The following MICU1 variants were observed in gnomAD, a reference collection of about 807,000 sequenced individuals.
MICU1 encodes mitochondrial calcium uptake 1.
Under a neutral mutation model 56.8 loss-of-function variants are expected in MICU1, and 45 were observed. The ratio of observed to expected loss-of-function variants is 0.79; its 90% confidence interval spans 0.62 to 1.02. The LOEUF is 1.02. MICU1 is among the 50% of genes least tolerant of loss of function. The pLI is 0.00. For synonymous variants in MICU1, 186 were observed against 195.1 expected (o/e 0.95, Z 0.39); for missense variants, 504 against 587.1 (o/e 0.86, Z 1.46).
intron 8 of MICU1, among the ~76,000 whole-genome samples, chr10:72,458,167 A>C (rs1361720708): frequency 1.4e-5 from 2 of 144,812 alleles, no homozygotes; most frequent in Admixed American, 1.4e-4. Context: ...AATCCATCTC[A>C]AAAAAAAAAA....
intron 5 of MICU1, among the ~76,000 whole-genome samples, chr10:72,530,284 G>C (rs1389261323): frequency 2.0e-5 from 3 of 149,814 alleles, no homozygotes; most frequent in African/African-American, 2.4e-5. Context: ...AGTGGGCCGA[G>C]ATCACGACAT....
intron 1 of MICU1, among the ~76,000 whole-genome samples, chr10:72,592,190 A>G (rs1310512845): frequency 1.3e-5 from 2 of 151,618 alleles, no homozygotes; most frequent in African/African-American, 4.8e-5. Context: ...TTGTATTTTT[A>G]GTGCAAACGG....
At chr10:72,417,315 G>A (rs369738869) in intron 9 of MICU1, among the ~76,000 whole-genome samples, 51 of 152,126 alleles carry the variant, frequency 3.4e-4, no homozygotes, top group East Asian at 1.7e-3. Flanking sequence ...TTAGCCAGGC[G>A]TGGCAGTGGG....
In MICU1 at chr10:72,421,017, AAT is replaced by A. The variant is rs1482164184; in HGVS notation, c.1071+2215_1071+2216del. ...AACTCCGTCTCAAAAAAAAAAAAAA[AAT>A]AATAATAATAATAATAATAATAAAA... On this transcript the variant is annotated intron_variant, in intron 9 of 11. Transcript: ENST00000361114. Among the ~76,000 whole-genome samples the A allele has an allele frequency of 5.2e-3, 379 of 73,092 alleles. 4 individuals carry two copies. The highest frequency in any genetic ancestry group is 0.029 in the East Asian group (134 of 4,654). 48.0% of individuals were successfully genotyped at this position (73,092 alleles called of 152,430 possible). A position where few individuals can be genotyped will look rare whatever the true frequency, so the allele number is the denominator to read the frequency against.
intron 9 of MICU1, 109 bp from the exon 10 acceptor site, chr10:72,408,146 G>C (rs1396781444): frequency 4.6e-6 from 3 of 652,146 alleles, no homozygotes; most frequent in Middle Eastern, 2.5e-4. Flanking sequence ...CTCATGTCTA[G>C]AACAGAAACT....
Position 72,566,796 on chromosome 10 carries a change from T to G in MICU1, c.-1-2A>C. The G allele has an allele frequency of 6.2e-6, 10 of 1,606,328 alleles. No homozygotes were observed. The highest frequency in any genetic ancestry group is 8.5e-6 in the Non-Finnish European group (10 of 1,176,824). The stretch of plus-strand genomic sequence containing the variant: ...GAAAGTGAGTTCAGACGAAACATCC[T>G]GTGGACAATAAGTAGAAATGTCACT... On this transcript the variant is annotated splice_acceptor_variant, in intron 1 of 11. Coordinates refer to ENST00000361114, the MANE Select transcript of MICU1 (RefSeq NM_001195518.2). LOFTEE classifies it low-confidence loss of function (5UTR_SPLICE).
intron 8 of MICU1, among the ~76,000 whole-genome samples, chr10:72,439,578 G>C (rs1019564945): frequency 1.3e-5 from 2 of 152,144 alleles, no homozygotes; most frequent in African/African-American, 2.4e-5. Context: ...AAGAAATAAA[G>C]GGTATTCAAT....
chr10:72,443,510 C>T lies in MICU1; in HGVS notation c.934-20139G>A, dbSNP rs553874080. Among the ~76,000 whole-genome samples, 518 of 152,250 alleles carry T rather than the reference C, an allele frequency of 3.4e-3. 14 individuals carry two copies. Among genetic ancestry groups the T allele is most frequent in the Non-Finnish European group, 8.8e-4 (60 of 68,026 alleles). On this transcript the variant is annotated intron_variant, in intron 8 of 11. Coordinates refer to ENST00000361114, the MANE Select transcript of MICU1 (RefSeq NM_001195518.2). ...AGGGTTTTTATGGTTTTAGGTCTAA[C>T]GTTTAAGTCTTTAATCCATCTTGAA...
intron 1 of MICU1, among the ~76,000 whole-genome samples, chr10:72,589,116 C>A (rs546585361): frequency 1.3e-5 from 2 of 151,940 alleles, no homozygotes; most frequent in African/African-American, 4.8e-5. Context: ...GGTAAAACCC[C>A]GTCTCTACTA....
intron 9 of MICU1, among the ~76,000 whole-genome samples, chr10:72,411,532 C>T (rs879845339): frequency 4.7e-4 from 71 of 151,870 alleles, no homozygotes; most frequent in Non-Finnish European, 9.1e-4. Context: ...GGGGTTTCAC[C>T]GTGTTAGCCA....
Position 72,368,126 on chromosome 10 carries a change from C to A in MICU1, c.*69G>T. 1.3e-6 allele frequency: 2 copies of A among 1,504,796 alleles called. No homozygotes were observed. The highest frequency in any genetic ancestry group is 9.0e-7 in the Non-Finnish European group (1 of 1,106,388). 93.2% of individuals were successfully genotyped at this position (1,504,796 alleles called of 1,614,324 possible). ...CTTCCAGAAGCAGCAGCACAAAGGG[C>A]TCTGCCGAGACTCTGCGGAGGGGGT... On this transcript the variant is annotated 3_prime_UTR_variant, in exon 12 of 12. Transcript: ENST00000361114.
In MICU1 at chr10:72,458,175, A is replaced by AG. The variant is rs200435350; in HGVS notation, c.933+16924_933+16925insC. Among the ~76,000 whole-genome samples, 825 of 152,156 alleles carry AG rather than the reference A, an allele frequency of 5.4e-3. 5 individuals are homozygous for AG. Among genetic ancestry groups the AG allele is most frequent in the East Asian group, 0.027 (139 of 5,192 alleles). Reference sequence around the variant, plus strand: ...GAGTAAAAATCCATCTCAAAAAAAAAAAAGAAAGAAAAGAAAAGCATTTCT... The same window carrying AG: ...GAGTAAAAATCCATCTCAAAAAAAAAGAAAGAAAGAAAAGAAAAGCATTTCT... On this transcript the variant is annotated intron_variant, in intron 8 of 11. Transcript: ENST00000361114.
chr10:72,456,755 C>T (rs1254478132), intron 8 of MICU1, among the ~76,000 whole-genome samples: 1 of 152,026 alleles, frequency 6.6e-6, no homozygotes, highest in African/African-American at 2.4e-5. Flanking sequence ...GTGGCACAAT[C>T]CCAACTCACT....
intron 6 of MICU1, among the ~76,000 whole-genome samples, chr10:72,498,485 T>C (rs1166846234): frequency 6.6e-6 from 1 of 151,602 alleles, no homozygotes; most frequent in Non-Finnish European, 1.5e-5. Flanking sequence ...ACTTGGGAGG[T>C]TGAGGAAGGA....
chr10:72,590,607 G>A (rs529312408), intron 1 of MICU1, among the ~76,000 whole-genome samples: 5 of 151,930 alleles, frequency 3.3e-5, no homozygotes, highest in Non-Finnish European at 5.9e-5. Context: ...TCAGGAGTTC[G>A]AGACCAGCCT....
chr10:72,408,533 T>C (rs1863704395), intron 9 of MICU1, among the ~76,000 whole-genome samples: 2 of 152,184 alleles, frequency 1.3e-5, no homozygotes, highest in South Asian at 2.1e-4. Context: ...GGCCTTGAAC[T>C]CCTGACCTCA....
chr10:72,584,917 G>C (rs1180457500), intron 1 of MICU1, among the ~76,000 whole-genome samples: 2 of 152,088 alleles, frequency 1.3e-5, no homozygotes, highest in South Asian at 2.1e-4. Context: ...AATAAGGAAA[G>C]TTTAAACACT....
chr10:72,427,573 G>A (rs1864384747), intron 8 of MICU1, among the ~76,000 whole-genome samples: 1 of 151,972 alleles, frequency 6.6e-6, no homozygotes, highest in Non-Finnish European at 1.5e-5. Flanking sequence ...ATCCCCCAGA[G>A]TAAATCCTCT....
At chr10:72,557,696 A>G (rs1840191775) in intron 3 of MICU1, among the ~76,000 whole-genome samples, 1 of 152,188 alleles carries the variant, frequency 6.6e-6, no homozygotes, top group Non-Finnish European at 1.5e-5. Context: ...ACAATAAACT[A>G]TATATGTATA....
Sources: allele counts gnomAD v4.1 joint callset (sites outside exome capture counted in the v4.1 genomes callset), GRCh38; gene constraint gnomAD v4.1.1; transcripts MANE v1.5; gene names NCBI Gene and HGNC (gene_info 2026-07-23, HGNC 2026-07-21).